Variants in MAST4 observed in about 807,000 individuals in gnomAD.
The protein encoded by MAST4 is microtubule associated serine/threonine kinase family member 4.
In MAST4, 89 loss-of-function variants were observed where a neutral mutation model predicts 162.7. That is an observed-to-expected ratio of 0.55 (90% CI 0.46 to 0.65). The LOEUF (loss-of-function observed/expected upper bound fraction) is 0.65. MAST4 is among the 30% of genes least tolerant of loss of function. The pLI, the probability that MAST4 is intolerant of heterozygous loss-of-function variation, is 0.00. For synonymous variants in MAST4, 1,479 were observed against 1,361.1 expected (o/e 1.09, Z -1.91); for missense variants, 3,153 against 3,374.0 (o/e 0.93, Z 1.62).
intron 1 of MAST4, among the ~76,000 whole-genome samples, chr5:66,602,066 A>G (rs1436739041): frequency 6.6e-6 from 1 of 152,224 alleles, no homozygotes; most frequent in Non-Finnish European, 1.5e-5. Flanking sequence ...ATACATACAT[A>G]TGAAATACTT....
chr5:66,811,949 CT>C (rs1756500064), intron 3 of MAST4, among the ~76,000 whole-genome samples: 1 of 152,158 alleles, frequency 6.6e-6, no homozygotes, highest in African/African-American at 2.4e-5. Flanking sequence ...ATCAAAACAT[CT>C]CCAAGTATTT....
At chr5:66,800,114 C>T (rs1453989003) in intron 3 of MAST4, among the ~76,000 whole-genome samples, 3 of 152,112 alleles carry the variant, frequency 2.0e-5, no homozygotes, top group Admixed American at 6.6e-5. Context: ...GGCCTTGTGA[C>T]GATAAGCTTT....
Position 67,168,907 on chromosome 5 carries a change from AAAAAAG to A in MAST4, c.*1868_*1873del, listed in dbSNP as rs751613994. 3.3e-5 allele frequency: 5 copies of A among 152,178 alleles called. No homozygotes were observed. Among genetic ancestry groups the A allele is most frequent in the African/African-American group, 7.2e-5 (3 of 41,436 alleles). The allele number at this position is 152,178 out of a possible 1,614,324, so 9.4% of individuals were successfully genotyped here. Reference sequence around the variant, plus strand: ...TTGGGAAAAAGGAAAAAAACAAACAAAAAAAGAAAAAGAAAAAAGCCTCCTCCTTGC... The same window carrying A: ...TTGGGAAAAAGGAAAAAAACAAACAAAAAAAGAAAAAAGCCTCCTCCTTGC... On this transcript the variant is annotated 3_prime_UTR_variant, in exon 29 of 29. Transcript: ENST00000403625.
intron 13 of MAST4, among the ~76,000 whole-genome samples, chr5:67,119,540 A>G (rs1370160226): frequency 6.6e-6 from 1 of 152,080 alleles, no homozygotes; most frequent in African/African-American, 2.4e-5. Context: ...GGGGTGGGGG[A>G]AATTTCTCTG....
chr5:66,622,420 CT>C (rs35612725), intron 1 of MAST4, among the ~76,000 whole-genome samples: 28 of 141,772 alleles, frequency 2.0e-4, no homozygotes, highest in Non-Finnish European at 2.6e-4. Context: ...CCTTGTAAGG[CT>C]TTTTTTTTTT....
chr5:66,739,614 A>G (rs1414511271), intron 1 of MAST4, among the ~76,000 whole-genome samples: 4 of 152,182 alleles, frequency 2.6e-5, no homozygotes, highest in Admixed American at 2.6e-4. Flanking sequence ...AATGTCAAGT[A>G]TAAGTAGATG....
At chr5:67,077,297 C>G (rs1761774192) in intron 5 of MAST4, among the ~76,000 whole-genome samples, 1 of 152,122 alleles carries the variant, frequency 6.6e-6, no homozygotes, top group Admixed American at 6.5e-5. Flanking sequence ...CTCCACCTCC[C>G]TCCCCATTCT....
At chr5:66,672,306 TTTA>T (rs1231115393) in intron 1 of MAST4, among the ~76,000 whole-genome samples, 20 of 152,206 alleles carry the variant, frequency 1.3e-4, no homozygotes, top group Admixed American at 1.3e-3. Flanking sequence ...AGTTAAAAGC[TTTA>T]TTAAGTGAAA....
At chr5:67,106,598 C>CT (rs1440813733) in intron 10 of MAST4, among the ~76,000 whole-genome samples, 1 of 152,190 alleles carries the variant, frequency 6.6e-6, no homozygotes. Context: ...TCATCCTCAC[C>CT]TATCTGCCTC....
At position 66,671,861 on chromosome 5, in the gene MAST4, C is replaced by T. The variant is rs527420482; in HGVS notation, c.363+74843C>T. Among the ~76,000 whole-genome samples the T allele has an allele frequency of 1.6e-4, 24 of 152,082 alleles. No homozygotes were observed. In the South Asian group the frequency reaches 2.9e-3, roughly 18 times the overall value. The stretch of plus-strand genomic sequence containing the variant: ...TCTTTAAAGAGTGTGTTTCATTATC[C>T]TAGATTGTGGTGAGCCCGACCAACT... On this transcript the variant is annotated intron_variant, in intron 1 of 28. Coordinates refer to ENST00000403625, the MANE Select transcript of MAST4 (RefSeq NM_001164664.2).
At chr5:67,078,911 A>AATAAATATATATATATATATATAT (rs1227485756) in intron 5 of MAST4, among the ~76,000 whole-genome samples, 1 of 38,110 alleles carries the variant, frequency 2.6e-5, no homozygotes, top group Non-Finnish European at 4.4e-5. Context: ...TTTTTATATA[A>AATAAATATATATATATATATATAT]ATATATATAT....
At chr5:67,117,171 C>T (rs1282363513) in intron 12 of MAST4, among the ~76,000 whole-genome samples, 1 of 152,138 alleles carries the variant, frequency 6.6e-6, no homozygotes, top group African/African-American at 2.4e-5. Flanking sequence ...CTAATTTTTG[C>T]CCCTTTCCTT....
At chr5:67,157,783 C>T (rs933851626) in intron 26 of MAST4, among the ~76,000 whole-genome samples, 22 of 152,278 alleles carry the variant, frequency 1.4e-4, no homozygotes, top group Non-Finnish European at 2.9e-4. Flanking sequence ...TCTCAGAATC[C>T]GTTTTCTTTA....
intron 4 of MAST4, among the ~76,000 whole-genome samples, chr5:67,019,124 G>C (rs931697009): frequency 2.6e-5 from 4 of 152,148 alleles, no homozygotes; most frequent in African/African-American, 9.7e-5. Flanking sequence ...CTTTGCAATG[G>C]TAAGATTTCT....
In MAST4 at chr5:66,615,541, A is replaced by G. The variant is rs564159337; in HGVS notation, c.363+18523A>G. ...GATCTCAAGAGAAAAGTAGCCAGGC[A>G]TGGTGGCTCACACTTGTAATCCAAA... is the stretch of plus-strand genomic sequence containing the variant. On this transcript the variant is annotated intron_variant, in intron 1 of 28. Coordinates refer to ENST00000403625, the MANE Select transcript of MAST4 (RefSeq NM_001164664.2). Among the ~76,000 whole-genome samples the G allele has an allele frequency of 6.2e-4, 95 of 152,168 alleles. 1 individual carries two copies. The highest frequency in any genetic ancestry group is 7.1e-4 in the Non-Finnish European group (48 of 68,028).
chr5:67,051,763 T>G lies in MAST4; in HGVS notation c.675-2641T>G, dbSNP rs150903367. On this transcript the variant is annotated intron_variant, in intron 4 of 28. Coordinates refer to ENST00000403625, the MANE Select transcript of MAST4 (RefSeq NM_001164664.2). ...AAGTGTCCCTCTACCCTTGAAAATT[T>G]TAGCAACAAATTCATTCATAAGGCG... Among the ~76,000 whole-genome samples the G allele has an allele frequency of 1.4e-3, 210 of 152,270 alleles. 6 individuals carry two copies. Among genetic ancestry groups the G allele is most frequent in the African/African-American group, 4.9e-3 (203 of 41,546 alleles).
intron 4 of MAST4, among the ~76,000 whole-genome samples, chr5:66,919,831 A>T (rs916725042): frequency 2.6e-5 from 4 of 152,172 alleles, no homozygotes; most frequent in Non-Finnish European, 4.4e-5. Context: ...TGATTGAAAT[A>T]GGCAGAATTT....
chr5:66,842,862 T>C (rs1230739982), intron 3 of MAST4, among the ~76,000 whole-genome samples: 1 of 152,190 alleles, frequency 6.6e-6, no homozygotes, highest in Non-Finnish European at 1.5e-5. Context: ...TTCATGCACA[T>C]TCTATTATTC....
At chr5:66,757,687 A>G (rs1403266878) in intron 1 of MAST4, among the ~76,000 whole-genome samples, 1 of 152,200 alleles carries the variant, frequency 6.6e-6, no homozygotes, top group Non-Finnish European at 1.5e-5. Flanking sequence ...GTCCCCGTGC[A>G]TGTGTGAAGA....
Sources: allele counts gnomAD v4.1 joint callset (sites outside exome capture counted in the v4.1 genomes callset), GRCh38; gene constraint gnomAD v4.1.1; transcripts MANE v1.5; gene names NCBI Gene and HGNC (gene_info 2026-07-23, HGNC 2026-07-21).